EXOC4: variants seen among roughly 807,000 people sequenced by gnomAD.
EXOC4 encodes exocyst complex component 4.
A neutral mutation model predicts 107.2 loss-of-function variants in EXOC4; 71 were observed. The ratio of observed to expected loss-of-function variants is 0.66; its 90% CI spans 0.55 to 0.81. The LOEUF is 0.81. Among genes scored for constraint, EXOC4 ranks in the 30% least tolerant of loss-of-function variants. EXOC4 has a pLI of 0.00. For missense variants in EXOC4, 1,108 were observed against 1,189.6 expected, an observed-to-expected ratio of 0.93 and a Z score of 1.01; for synonymous variants, 456 against 441.2, an observed-to-expected ratio of 1.03 and a Z score of -0.42.
At chr7:133,406,552 G>A (rs535867240) in intron 7 of EXOC4, among the ~76,000 whole-genome samples, 12 of 151,984 alleles carry the variant, frequency 7.9e-5, no homozygotes, top group African/African-American at 2.4e-4. Context: ...AAATTTCTTC[G>A]GATTCTTTCT....
At chr7:133,527,360 C>T (rs906733582) in intron 9 of EXOC4, among the ~76,000 whole-genome samples, 11 of 152,144 alleles carry the variant, frequency 7.2e-5, no homozygotes, top group South Asian at 4.1e-4. Context: ...GCTGAGATTG[C>T]GCCCCTGCAC....
chr7:133,339,453 A>T (rs1448026067), intron 5 of EXOC4, among the ~76,000 whole-genome samples: 1 of 151,932 alleles, frequency 6.6e-6, no homozygotes, highest in Non-Finnish European at 1.5e-5. Flanking sequence ...ATGCCTCCAG[A>T]TTTGTTCTTT....
At chr7:133,975,023 A>AT (rs1793797934) in intron 14 of EXOC4, among the ~76,000 whole-genome samples, 1 of 77,042 alleles carries the variant, frequency 1.3e-5, no homozygotes, top group African/African-American at 5.6e-5. Context: ...AAATTCCTAT[A>AT]CCTTTTTTTT....
the EXOC4 span, among the ~76,000 whole-genome samples, chr7:134,089,712 A>G: frequency 6.6e-6 from 1 of 152,230 alleles, no homozygotes; most frequent in East Asian, 1.9e-4. Flanking sequence ...CTTTGTGACT[A>G]GTCCTAAACA....
chr7:133,397,966 A>G (rs1436614024), intron 7 of EXOC4, among the ~76,000 whole-genome samples: 1 of 152,176 alleles, frequency 6.6e-6, no homozygotes, highest in Non-Finnish European at 1.5e-5. Flanking sequence ...TGAGACTGAG[A>G]TTCAAATTCA....
intron 12 of EXOC4, among the ~76,000 whole-genome samples, chr7:133,914,083 G>T (rs1019346762): frequency 6.6e-6 from 1 of 152,296 alleles, no homozygotes; most frequent in Admixed American, 6.5e-5. Context: ...GTGGAGTAAT[G>T]GTTCTAGAAC....
At chr7:133,282,614 G>T (rs1302617611) in intron 2 of EXOC4, among the ~76,000 whole-genome samples, 1 of 151,952 alleles carries the variant, frequency 6.6e-6, no homozygotes, top group Non-Finnish European at 1.5e-5. Context: ...GTATAGCCCT[G>T]TTCCTATTAA....
intron 17 of EXOC4, among the ~76,000 whole-genome samples, chr7:134,034,365 T>G (rs12531713): frequency 4.6e-5 from 7 of 152,104 alleles, no homozygotes; most frequent in African/African-American, 1.7e-4. Context: ...AGAAGCACCC[T>G]CTTTGAGAGG....
intron 10 of EXOC4, among the ~76,000 whole-genome samples, chr7:133,748,760 A>T (rs1585119730): frequency 6.6e-6 from 1 of 152,166 alleles, no homozygotes; most frequent in East Asian, 1.9e-4. Context: ...AAGATAAGGG[A>T]CTTGTCACCT....
At chr7:133,856,936 TA>T (rs1337846806) in intron 11 of EXOC4, among the ~76,000 whole-genome samples, 1 of 149,954 alleles carries the variant, frequency 6.7e-6, no homozygotes, top group African/African-American at 2.5e-5. Context: ...CCGTCTCTAC[TA>T]AAAATACAAA....
intron 12 of EXOC4, among the ~76,000 whole-genome samples, chr7:133,917,262 C>G (rs1214835327): frequency 6.6e-6 from 1 of 152,140 alleles, no homozygotes; most frequent in Non-Finnish European, 1.5e-5. Context: ...TTTTATTCAA[C>G]ATTTTCTTAA....
intron 10 of EXOC4, among the ~76,000 whole-genome samples, chr7:133,738,369 C>T (rs1024384668): frequency 6.6e-6 from 1 of 152,146 alleles, no homozygotes; most frequent in South Asian, 2.1e-4. Context: ...TGTGTAGCCT[C>T]ATTACCTTTG....
intron 5 of EXOC4, among the ~76,000 whole-genome samples, chr7:133,329,247 G>A (rs1795321534): frequency 6.6e-6 from 1 of 152,118 alleles, no homozygotes; most frequent in Non-Finnish European, 1.5e-5. Context: ...CAAAGTTCTT[G>A]TACTGTGGTT....
chr7:134,080,939 C>CT, the EXOC4 span, among the ~76,000 whole-genome samples: 1 of 152,042 alleles, frequency 6.6e-6, no homozygotes, highest in African/African-American at 2.4e-5. Context: ...GACCCTGTCT[C>CT]TAAAAAAATT....
intron 11 of EXOC4, among the ~76,000 whole-genome samples, chr7:133,854,294 C>T (rs888221094): frequency 4.6e-5 from 7 of 152,040 alleles, no homozygotes; most frequent in Non-Finnish European, 1.0e-4. Context: ...AGGGCCATAC[C>T]TTCGAGACCA....
intron 11 of EXOC4, among the ~76,000 whole-genome samples, chr7:133,864,112 A>T (rs1425020816): frequency 6.6e-6 from 1 of 152,182 alleles, no homozygotes; most frequent in Non-Finnish European, 1.5e-5. Context: ...GCTAAAATAA[A>T]ATAGTACAGA....
chr7:133,533,612 A>G (rs1012124292), intron 9 of EXOC4, among the ~76,000 whole-genome samples: 2 of 152,164 alleles, frequency 1.3e-5, no homozygotes, highest in African/African-American at 2.4e-5. Context: ...TAGCATGTGC[A>G]GTATGGATTA....
At chr7:133,353,131 A>G (rs1316315506) in intron 5 of EXOC4, among the ~76,000 whole-genome samples, 1 of 152,146 alleles carries the variant, frequency 6.6e-6, no homozygotes, top group Non-Finnish European at 1.5e-5. Flanking sequence ...ATCTTTTAAT[A>G]TTTTAAATTA....
intron 7 of EXOC4, among the ~76,000 whole-genome samples, chr7:133,436,231 A>T (rs558242233): frequency 6.6e-6 from 1 of 152,000 alleles, no homozygotes; most frequent in East Asian, 1.9e-4. Context: ...CTGCCTTCTG[A>T]CTTCTTCAGC....
Sources: allele counts gnomAD v4.1 joint callset (sites outside exome capture counted in the v4.1 genomes callset), GRCh38; gene constraint gnomAD v4.1.1; transcripts MANE v1.5; gene names NCBI Gene and HGNC (gene_info 2026-07-23, HGNC 2026-07-21).